SLC25A21: variants seen among roughly 807,000 people sequenced by gnomAD.
SLC25A21 encodes mitochondrial 2-oxodicarboxylate carrier.
In SLC25A21, 47 loss-of-function variants were observed where a neutral mutation model predicts 43.8. The ratio of observed to expected loss-of-function variants is 1.07; its 90% CI spans 0.85 to 1.37. SLC25A21 has a LOEUF of 1.37. Among genes scored for constraint, SLC25A21 ranks in the 40% most tolerant of loss-of-function variants. The pLI is 0.00. For synonymous variants in SLC25A21, 131 were observed against 121.3 expected (o/e 1.08, Z -0.52); for missense variants, 352 against 350.2 (o/e 1.00, Z -0.04).
intron 3 of SLC25A21, among the ~76,000 whole-genome samples, chr14:36,769,799 T>C (rs1886549326): frequency 6.6e-6 from 1 of 152,240 alleles, no homozygotes; most frequent in Admixed American, 6.5e-5. Flanking sequence ...AATACTTAAA[T>C]TCTAATGTCA....
At chr14:36,739,980 G>A (rs762957112) in intron 3 of SLC25A21, among the ~76,000 whole-genome samples, 1 of 152,170 alleles carries the variant, frequency 6.6e-6, no homozygotes, top group Non-Finnish European at 1.5e-5. Context: ...TGGATTTCCA[G>A]TCTAAGGCAA....
At chr14:37,082,828 T>TA (rs934399888) in intron 1 of SLC25A21, among the ~76,000 whole-genome samples, 29 of 152,312 alleles carry the variant, frequency 1.9e-4, no homozygotes, top group Admixed American at 1.8e-3. Context: ...AGGATTTTTT[T>TA]AAAGTGTTTC....
At chr14:36,786,585 C>G (rs924011871) in intron 3 of SLC25A21, among the ~76,000 whole-genome samples, 1 of 152,144 alleles carries the variant, frequency 6.6e-6, no homozygotes, top group African/African-American at 2.4e-5. Context: ...AGCTTAAATC[C>G]ATAGAGTTTA....
intron 1 of SLC25A21, among the ~76,000 whole-genome samples, chr14:36,893,431 T>C (rs868677587): frequency 6.6e-6 from 1 of 152,198 alleles, no homozygotes; most frequent in South Asian, 2.1e-4. Flanking sequence ...TCATTGAAGA[T>C]TCTGGATATT....
intron 1 of SLC25A21, among the ~76,000 whole-genome samples, chr14:36,900,798 C>T (rs1348391675): frequency 6.6e-6 from 1 of 152,146 alleles, no homozygotes; most frequent in African/African-American, 2.4e-5. Flanking sequence ...ATAGGGAAGA[C>T]ATAATCTCTA....
At chr14:36,837,389 G>T (rs914541570) in intron 2 of SLC25A21, among the ~76,000 whole-genome samples, 1 of 152,092 alleles carries the variant, frequency 6.6e-6, no homozygotes. Context: ...ACACACACGA[G>T]AGGGGACCAG....
intron 1 of SLC25A21, among the ~76,000 whole-genome samples, chr14:36,955,164 T>C (rs1959301786): frequency 6.6e-6 from 1 of 152,156 alleles, no homozygotes; most frequent in African/African-American, 2.4e-5. Flanking sequence ...AATGAAAGAA[T>C]GAATGGGCAA....
intron 1 of SLC25A21, among the ~76,000 whole-genome samples, chr14:37,021,752 A>T (rs1960990683): frequency 6.6e-6 from 1 of 152,036 alleles, no homozygotes; most frequent in East Asian, 1.9e-4. Context: ...CTTATAACAC[A>T]ATTTTTGTTT....
intron 1 of SLC25A21, among the ~76,000 whole-genome samples, chr14:37,142,231 A>C (rs1046229851): frequency 1.3e-5 from 2 of 152,252 alleles, no homozygotes; most frequent in African/African-American, 2.4e-5. Context: ...GATTAGAAAG[A>C]TTAAGAAACT....
intron 1 of SLC25A21, among the ~76,000 whole-genome samples, chr14:37,090,225 G>A (rs1407017957): frequency 6.6e-6 from 1 of 152,206 alleles, no homozygotes; most frequent in African/African-American, 2.4e-5. Flanking sequence ...GAAGACATAT[G>A]TTCCAGTCAA....
intron 1 of SLC25A21, among the ~76,000 whole-genome samples, chr14:37,030,907 G>A (rs145434535): frequency 8.1e-4 from 123 of 152,190 alleles, no homozygotes; most frequent in African/African-American, 2.7e-3. Context: ...ACCCTCCCAA[G>A]GATGCTTTTC....
chr14:37,062,212 A>G (rs905451782), intron 1 of SLC25A21, among the ~76,000 whole-genome samples: 4 of 152,234 alleles, frequency 2.6e-5, no homozygotes, highest in African/African-American at 9.6e-5. Flanking sequence ...ACTTTCACCA[A>G]TGTGTTGATT....
intron 3 of SLC25A21, among the ~76,000 whole-genome samples, chr14:36,763,596 T>C (rs1029291138): frequency 2.6e-5 from 4 of 152,094 alleles, no homozygotes; most frequent in African/African-American, 9.7e-5. Context: ...GTGGTGGTGG[T>C]AGGGGGTCTG....
chr14:36,985,430 C>T (rs1184681061), intron 1 of SLC25A21, among the ~76,000 whole-genome samples: 1 of 152,040 alleles, frequency 6.6e-6, no homozygotes, highest in Non-Finnish European at 1.5e-5. Context: ...AGCAAAGAAT[C>T]CAATCTGAGC....
intron 1 of SLC25A21, among the ~76,000 whole-genome samples, chr14:36,884,209 T>C (rs75121551): frequency 0.023 from 3,528 of 152,274 alleles, 128 homozygotes; most frequent in African/African-American, 0.081. Flanking sequence ...CTTTTTAAGA[T>C]ACTGCATGTA....
intron 1 of SLC25A21, among the ~76,000 whole-genome samples, chr14:37,112,357 T>C (rs770091776): frequency 1.3e-5 from 2 of 151,970 alleles, no homozygotes; most frequent in African/African-American, 4.8e-5. Context: ...GAAGAGGCAA[T>C]AAGCACAAAA....
At chr14:37,107,892 T>C (rs17106317) in intron 1 of SLC25A21, among the ~76,000 whole-genome samples, 6,181 of 152,202 alleles carry the variant, frequency 0.041, 438 homozygotes, top group African/African-American at 0.14. Context: ...AAAATGACAA[T>C]AGGCCTCAGT....
chr14:37,067,508 C>T (rs921583270), intron 1 of SLC25A21, among the ~76,000 whole-genome samples: 5 of 151,870 alleles, frequency 3.3e-5, no homozygotes, highest in Admixed American at 3.3e-4. Context: ...GATTTTTTTT[C>T]TATCATCGGA....
At chr14:37,024,856 G>GAA (rs1014093871) in intron 1 of SLC25A21, among the ~76,000 whole-genome samples, 2 of 151,732 alleles carry the variant, frequency 1.3e-5, no homozygotes, top group African/African-American at 4.8e-5. Context: ...CAGAAATGGA[G>GAA]AAAAAAAGGT....
Sources: gnomAD v4.1 joint callset for allele counts (sites outside exome capture counted in the v4.1 genomes callset) on GRCh38, gnomAD v4.1.1 for gene constraint, MANE v1.5 for transcripts, NCBI Gene and HGNC (gene_info 2026-07-23, HGNC 2026-07-21) for gene names.